SLC29A3: variants seen among roughly 807,000 people sequenced by gnomAD.
The protein encoded by SLC29A3 is solute carrier family 29 member 3, also known as equilibrative nucleoside transporter 3.
A neutral mutation model predicts 25.4 loss-of-function variants in SLC29A3; 18 were observed. The ratio of observed to expected loss-of-function variants is 0.71; its 90% CI spans 0.49 to 1.05. The LOEUF is 1.05. SLC29A3 is among the 50% of genes least tolerant of loss of function. The pLI is 0.00. For missense variants in SLC29A3, 586 were observed against 609.0 expected (o/e 0.96, Z 0.40); for synonymous variants, 258 against 267.1 (o/e 0.97, Z 0.33).
intron 2 of SLC29A3, among the ~76,000 whole-genome samples, chr10:71,336,981 G>A (rs550265243): frequency 1.0e-3 from 152 of 152,280 alleles, no homozygotes; most frequent in African/African-American, 3.5e-3. Context: ...GTCAGATGGG[G>A]ACCCTCTTCC....
At chr10:71,320,656 G>C (rs116027953) in intron 1 of SLC29A3, among the ~76,000 whole-genome samples, 135 of 152,334 alleles carry the variant, frequency 8.9e-4, no homozygotes, top group African/African-American at 3.2e-3. Flanking sequence ...AACCAGGGGA[G>C]TTTAAAATAG....
intron 2 of SLC29A3, among the ~76,000 whole-genome samples, chr10:71,328,909 A>G (rs1165601944): frequency 6.6e-6 from 1 of 152,166 alleles, no homozygotes; most frequent in African/African-American, 2.4e-5. Context: ...CAGCCCTGCA[A>G]AGAAGCAAGA....
At chr10:71,358,497 G>A (rs1190551212) in intron 5 of SLC29A3, among the ~76,000 whole-genome samples, 1 of 151,030 alleles carries the variant, frequency 6.6e-6, no homozygotes, top group Non-Finnish European at 1.5e-5. Context: ...CCTAGCTGTG[G>A]CTCCAGGCTG....
intron 2 of SLC29A3, 136 bp from the exon 3 acceptor site, chr10:71,344,073 G>A: frequency 1.3e-6 from 1 of 751,286 alleles, no homozygotes; most frequent in Non-Finnish European, 2.4e-6. Context: ...TTTGGAGGTG[G>A]GCTCACCCAC....
intron 1 of SLC29A3, 45 bp downstream of exon 1, chr10:71,319,355 GC>G (rs1304980663): frequency 4.9e-6 from 3 of 617,408 alleles, no homozygotes; most frequent in South Asian, 1.7e-5. Context: ...GGTCCCGGCC[GC>G]CCCCAGACTC....
At chr10:71,381,208 T>C (rs1847300782) in exon 5 of SLC29A3, 2 of 152,178 alleles carry the variant, frequency 1.3e-5, no homozygotes, top group Admixed American at 1.3e-4. Flanking sequence ...CTTGGGGTGA[T>C]GATGGTGTGT....
In SLC29A3 at chr10:71,328,379, A is replaced by G. The variant is rs1167950816; in HGVS notation, c.300+5325A>G. Reference sequence around the variant, plus strand: ...ATGCCTGGGTCTTCAGAGCTGCATCATACTTCCCCATCACGTTCCTGCCCT... The same window carrying G: ...ATGCCTGGGTCTTCAGAGCTGCATCGTACTTCCCCATCACGTTCCTGCCCT... On this transcript the variant is annotated intron_variant, in intron 2 of 5. Transcript: ENST00000373189. Among the ~76,000 whole-genome samples the G allele has an allele frequency of 3.3e-5, 5 of 152,178 alleles. 1 individual carries two copies. The South Asian group carries it at 8.3e-4, about 25-fold the overall frequency.
At chr10:71,322,687 C>A in intron 1 of SLC29A3, 69 bp from the exon 2 acceptor site, 1 of 1,576,856 alleles carries the variant, frequency 6.3e-7, no homozygotes, top group Non-Finnish European at 8.7e-7. Flanking sequence ...CTGGGTGGGT[C>A]CCCAGCTGTC....
intron 3 of SLC29A3, among the ~76,000 whole-genome samples, chr10:71,374,533 G>C (rs1211302254): frequency 2.0e-5 from 3 of 152,200 alleles, no homozygotes; most frequent in African/African-American, 4.8e-5. Flanking sequence ...GTGTGTGTGT[G>C]TGTTGTGGGA....
intron 3 of SLC29A3, among the ~76,000 whole-genome samples, chr10:71,351,282 AC>A (rs1368088273): frequency 1.3e-5 from 2 of 152,282 alleles, no homozygotes; most frequent in East Asian, 3.9e-4. Flanking sequence ...TGCCGCTTGC[AC>A]CCCACACTGC....
In SLC29A3 at chr10:71,344,196, T is replaced by A. The variant is rs955990162; in HGVS notation, c.301-13T>A. On this transcript the variant is annotated splice_polypyrimidine_tract_variant and intron_variant, in intron 2 of 5. Transcript: ENST00000373189. ...TGAGTGACCGCAGCACCTCCTCACT[T>A]GTGTGCTTGCAGAACTACTTTGAGA... The A allele has an allele frequency of 3.7e-6, 6 of 1,610,934 alleles. No individual in the cohort carries two copies. Among genetic ancestry groups the A allele is most frequent in the Non-Finnish European group, 5.1e-6 (6 of 1,177,284 alleles).
intron 3 of SLC29A3, among the ~76,000 whole-genome samples, chr10:71,374,865 G>A (rs896811264): frequency 1.3e-5 from 2 of 152,158 alleles, no homozygotes; most frequent in South Asian, 2.1e-4. Context: ...AAATGGGGTC[G>A]CTTGCCTCTG....
At position 71,328,482 on chromosome 10, in the gene SLC29A3, C is replaced by T. The variant is rs374332712; in HGVS notation, c.300+5428C>T. Among the ~76,000 whole-genome samples the T allele has an allele frequency of 5.9e-5, 9 of 152,194 alleles. 1 individual carries two copies. The East Asian group carries it at 1.3e-3, about 23-fold the overall frequency. The stretch of plus-strand genomic sequence containing the variant: ...TTTGCCTGCATTATCTCATGCAGCG[C>T]TGCAGCACCCGTAGGTCAGGAACTG... On this transcript the variant is annotated intron_variant, in intron 2 of 5. Coordinates refer to ENST00000373189, the MANE Select transcript of SLC29A3 (RefSeq NM_018344.6).
At chr10:71,351,030 A>G (rs1170086858) in intron 3 of SLC29A3, among the ~76,000 whole-genome samples, 1 of 152,220 alleles carries the variant, frequency 6.6e-6, no homozygotes, top group Non-Finnish European at 1.5e-5. Flanking sequence ...GATGATGAAG[A>G]TGACGACGAT....
rs755623348 is a variant in SLC29A3 at position 71,344,083 on chromosome 10, C to T, written c.301-126C>T. On this transcript the variant is annotated intron_variant, in intron 2 of 5. Coordinates refer to ENST00000373189, the MANE Select transcript of SLC29A3 (RefSeq NM_018344.6). Reference sequence around the variant, plus strand: ...CCTTGTTTGGAGGTGGGCTCACCCACGGCTCCTGGGTGTCTGAAGACAGTG... The same window carrying T: ...CCTTGTTTGGAGGTGGGCTCACCCATGGCTCCTGGGTGTCTGAAGACAGTG... The T allele has an allele frequency of 6.6e-5, 53 of 805,058 alleles. 1 individual carries two copies. The highest frequency in any genetic ancestry group is 1.5e-4 in the Admixed American group (8 of 53,256). 49.9% of individuals were successfully genotyped at this position (805,058 alleles called of 1,614,324 possible).
rs867366915 is a variant in SLC29A3, at chr10:71,349,723, G to A, written c.384-1839G>A. On this transcript the variant is annotated intron_variant, in intron 3 of 5. Coordinates refer to ENST00000373189, the MANE Select transcript of SLC29A3 (RefSeq NM_018344.6). Reference sequence around the variant, plus strand: ...CACGCCTCTCCCCAGCATCACCTCTGTGCTCCTCTGCTCGCATCTTGACTA... The same window carrying A: ...CACGCCTCTCCCCAGCATCACCTCTATGCTCCTCTGCTCGCATCTTGACTA... Among the ~76,000 whole-genome samples, 4 of 152,270 alleles carry A rather than the reference G, an allele frequency of 2.6e-5. No homozygotes were observed. The South Asian group carries it at 8.3e-4, about 32-fold the overall frequency.
intron 5 of SLC29A3, among the ~76,000 whole-genome samples, chr10:71,358,979 C>T (rs540579070): frequency 6.6e-6 from 1 of 152,138 alleles, no homozygotes; most frequent in African/African-American, 2.4e-5. Flanking sequence ...GGCACAATCA[C>T]GGCTCACGGC....
At chr10:71,322,653 G>A in intron 1 of SLC29A3, 103 bp from the exon 2 acceptor site, 3 of 1,363,640 alleles carry the variant, frequency 2.2e-6, no homozygotes, top group Non-Finnish European at 3.1e-6. Context: ...AGCCCAGGGT[G>A]AGGGGGCATG....
At chr10:71,375,616 C>T (rs527382358) in intron 3 of SLC29A3, 1 of 152,118 alleles carries the variant, frequency 6.6e-6, no homozygotes, top group East Asian at 1.9e-4. Flanking sequence ...AGTAAATCAA[C>T]TAAAAAAATC....
Sources: gnomAD v4.1 joint callset for allele counts (sites outside exome capture counted in the v4.1 genomes callset) on GRCh38, gnomAD v4.1.1 for gene constraint, MANE v1.5 for transcripts, NCBI Gene and HGNC (gene_info 2026-07-23, HGNC 2026-07-21) for gene names.